The following MPO variants were observed in gnomAD, a reference collection of about 807,000 sequenced individuals.
MPO encodes the protein myeloperoxidase.
Under a neutral mutation model 69.4 loss-of-function variants are expected in MPO, and 57 were observed. That is an observed-to-expected ratio of 0.82 (90% CI 0.66 to 1.02). The LOEUF (loss-of-function observed/expected upper bound fraction) is 1.02. Ranked by LOEUF, MPO falls within the 50% of genes least tolerant of loss-of-function variation. MPO has a pLI of 0.00. For missense variants in MPO, 971 were observed against 1,014.1 expected, an observed-to-expected ratio of 0.96 and a Z score of 0.58; for synonymous variants, 426 against 417.1, an observed-to-expected ratio of 1.02 and a Z score of -0.26.
Position 58,270,981 on chromosome 17 carries a change from A to G in MPO, c.2031-118T>C. The G allele has an allele frequency of 8.8e-7, 1 of 1,136,480 alleles. No homozygotes were observed. The highest frequency in any genetic ancestry group is 1.3e-6 in the Non-Finnish European group (1 of 770,198). The allele number at this position is 1,136,480 out of a possible 1,614,324, so 70.4% of individuals were successfully genotyped here. On this transcript the variant is annotated intron_variant, in intron 11 of 11. Transcript: ENST00000225275. The surrounding 1 kb of genome is among the most constrained non-coding windows in gnomAD (Gnocchi z 4.1). The stretch of plus-strand genomic sequence containing the variant: ...GCCACAACAAATGCCACCTGGAAGC[A>G]CAGGAGGGCCCCAGGCCCTTGGGCA...
At position 58,273,414 on chromosome 17, in the gene MPO, C is replaced by T; in HGVS notation, c.1621G>A (p.Gly541Ser). Residue 541 changes from glycine (G) to serine (S), a missense_variant and splice_region_variant, in exon 9 of 12, where the codon GGT becomes AGT. Coordinates refer to ENST00000225275, the MANE Select transcript of MPO (RefSeq NM_000250.2). ...CGCTCCTGGCCTAGGTCCTGCTTAC[C>T]TTCCAGCACGACCCTCCAGGAGGCA... ...FFASWRVVLE[G>S]GIDPILRGLM... The T allele has an allele frequency of 6.2e-7, 1 of 1,614,150 alleles. No individual in the cohort carries two copies. The highest frequency in any genetic ancestry group is 1.1e-5 in the South Asian group (1 of 91,082).
chr17:58,279,376 G>A lies in MPO; in HGVS notation c.599C>T (p.Pro200Leu), dbSNP rs750417250. Residue 200 changes from proline (P) to leucine (L), a missense_variant, in exon 5 of 12, where the codon CCG becomes CTG. Transcript: ENST00000225275. ...AGAGAAGCCGTCCTCATACTCCGCC[G>A]GCAGCCAGCGCACAAAGGCACGGTT... ...ASNRAFVRWL[P>L]AEYEDGFSLP... 16 of 1,600,066 alleles carry A rather than the reference G, an allele frequency of 1.0e-5. No homozygotes were observed. Among genetic ancestry groups the A allele is most frequent in the African/African-American group, 9.4e-5 (7 of 74,750 alleles).
rs966801133 is a variant in MPO at position 58,272,675 on chromosome 17, A to AG, written c.1792+72dup. On this transcript the variant is annotated intron_variant, in intron 10 of 11. Transcript: ENST00000225275. ...AGAGGGCAGGGACCCTAGAGTGGGA[A>AG]GGGGGGTGATGGGCTACCTAGGAGG... 4.5e-6 allele frequency: 7 copies of AG among 1,541,342 alleles called. No homozygotes were observed. In the Admixed American group the frequency reaches 5.2e-5, roughly 11 times the overall value.
Position 58,278,162 on chromosome 17 carries a change from G to C in MPO, c.886-17C>G. On this transcript the variant is annotated splice_polypyrimidine_tract_variant and intron_variant, in intron 6 of 11. Transcript: ENST00000225275. Reference sequence around the variant, plus strand: ...GGGCGGGATCTGAGGCACAGAGAGAGGCTAGACTGGCTCACCGAGGGCAAG... The same window carrying C: ...GGGCGGGATCTGAGGCACAGAGAGACGCTAGACTGGCTCACCGAGGGCAAG... 6.3e-7 allele frequency: 1 copy of C among 1,599,396 alleles called. No homozygotes were observed. Among genetic ancestry groups the C allele is most frequent in the African/African-American group, 1.3e-5 (1 of 75,022 alleles).
rs764426896 is a variant in MPO at position 58,272,864 on chromosome 17, C to G, written c.1676G>C (p.Arg559Pro). 6.2e-7 allele frequency: 1 copy of G among 1,614,134 alleles called. No individual in the cohort carries two copies. Among genetic ancestry groups the G allele is most frequent in the Non-Finnish European group, 8.5e-7 (1 of 1,180,044 alleles). Residue 559 changes from arginine (R) to proline (P), a missense_variant, in exon 10 of 12, where the codon CGT becomes CCT. Arg to Pro is a moderately radical substitution (Grantham distance 103, BLOSUM62 -2). Coordinates refer to ENST00000225275, the MANE Select transcript of MPO (RefSeq NM_000250.2). The part of the protein sequence containing the change: ...GLMATPAKLN[R>P]QNQIAVDEIR... ...CTCATCCACTGCAATTTGGTTCTGACGATTCAGCTTGGCAGGGGTGGCCAT... is the reference window on the plus strand; with the variant it reads ...CTCATCCACTGCAATTTGGTTCTGAGGATTCAGCTTGGCAGGGGTGGCCAT...
chr17:58,270,197 C>T lies in MPO; in HGVS notation c.*459G>A, dbSNP rs1020860102. ...TAGTAGGTGCTCAATAAATGAAGAA[C>T]CAGAGGATACAAGTGGGCCCTCCAA... On this transcript the variant is annotated 3_prime_UTR_variant, in exon 12 of 12. Transcript: ENST00000225275. This position sits in a 1 kb window ranked among gnomAD's most constrained non-coding sequence, Gnocchi z 4.1. The T allele has an allele frequency of 6.7e-6, 2 of 298,072 alleles. No homozygotes were observed. The highest frequency in any genetic ancestry group is 4.4e-5 in the African/African-American group (2 of 45,916). The allele number at this position is 298,072 out of a possible 1,614,324, so 18.5% of individuals were successfully genotyped here. A position where few individuals can be genotyped will look rare whatever the true frequency, so the allele number is the denominator to read the frequency against.
chr17:58,273,584 T>G lies in MPO; in HGVS notation c.1451A>C (p.Asp484Ala), dbSNP rs894784709. 6.2e-7 allele frequency: 1 copy of G among 1,613,950 alleles called. No homozygotes were observed. Among genetic ancestry groups the G allele is most frequent in the African/African-American group, 1.3e-5 (1 of 74,878 alleles). Residue 484 changes from aspartate to alanine, a missense_variant, in exon 9 of 12, where the codon GAC becomes GCC. Asp to Ala is a moderately radical substitution (Grantham distance 126). Coordinates refer to ENST00000225275, the MANE Select transcript of MPO (RefSeq NM_000250.2). ...KYLPTYRSYN[D>A]SVDPRIANVF... ...GTTGGCGATGCGTGGGTCCACTGAG[T>G]CATTGTAGGAACGGTACGTGGGCAG...
chr17:58,271,005 C>G (rs1970359198), intron 11 of MPO, 142 bp from the exon 12 acceptor site: 1 of 843,074 alleles, frequency 1.2e-6, no homozygotes, highest in African/African-American at 1.7e-5. Context: ...GGCCCTTGGG[C>G]AGCCCAGGGG....
In MPO at chr17:58,273,649, G is replaced by A; in HGVS notation, c.1386C>T (p.Tyr462=). ...AMVQIITYRD[Y]LPLVLGPTAM... is the part of the protein sequence containing the mutation. ...CCGTTGGCCCCAGCACCAGGGGCAG[G>A]TAGTCCCGGTAAGTGATGATCTAAA... Residue 462 remains tyrosine (Y), a synonymous_variant, in exon 9 of 12, where the codon TAC becomes TAT. Transcript: ENST00000225275. 1 of 1,614,216 alleles carries A rather than the reference G, an allele frequency of 6.2e-7. No homozygotes were observed. Among genetic ancestry groups the A allele is most frequent in the Non-Finnish European group, 8.5e-7 (1 of 1,180,036 alleles).
rs35087219 is a variant in MPO at position 58,275,099 on chromosome 17, G to A, written c.1365+443C>T. Among the ~76,000 whole-genome samples the A allele has an allele frequency of 0.011, 1,661 of 152,130 alleles. 33 individuals are homozygous for A. The highest frequency in any genetic ancestry group is 0.037 in the African/African-American group (1,555 of 41,516). ...AGCATGGTCTTGATCTCCTGACCTC[G>A]TGATCCACCCGCCTCCGCCTCCCAA... On this transcript the variant is annotated intron_variant, in intron 8 of 11. Transcript: ENST00000225275. The surrounding 1 kb of genome is among the most constrained non-coding windows in gnomAD (Gnocchi z 4.1).
chr17:58,280,232 C>T, intron 2 of MPO, 134 bp downstream of exon 2: 2 of 1,049,484 alleles, frequency 1.9e-6, no homozygotes, highest in Non-Finnish European at 2.9e-6. Context: ...AACACAGGGA[C>T]AGACAGACAG....
intron 3 of MPO, 71 bp downstream of exon 3, chr17:58,279,768 G>C: frequency 1.2e-6 from 2 of 1,613,062 alleles, no homozygotes; most frequent in Non-Finnish European, 1.7e-6. Context: ...GGGGATCACT[G>C]AGAGACGGCT....
intron 8 of MPO, 150 bp from the exon 9 acceptor site, chr17:58,273,819 C>T: frequency 9.2e-7 from 1 of 1,088,368 alleles, no homozygotes; most frequent in Non-Finnish European, 1.4e-6. Flanking sequence ...TCCCACAATA[C>T]CGGACCTGGG....
intron 7 of MPO, 102 bp downstream of exon 7, chr17:58,277,725 T>C (rs2143977056): frequency 1.3e-6 from 2 of 1,505,248 alleles, no homozygotes; most frequent in South Asian, 1.1e-5. Context: ...GTGAGGACAG[T>C]CTCTCTAAGT....
At position 58,277,855 on chromosome 17, in the gene MPO, G is replaced by A. The variant is rs1432786606; in HGVS notation, c.1176C>T (p.Arg392=). The A allele has an allele frequency of 6.2e-7, 1 of 1,606,462 alleles. No homozygotes were observed. Among genetic ancestry groups the A allele is most frequent in the South Asian group, 1.1e-5 (1 of 91,070 alleles). The change falls in exon 7 of 12, where the codon CGC becomes CGT. Residue 392 remains arginine, a synonymous_variant. Coordinates refer to ENST00000225275, the MANE Select transcript of MPO (RefSeq NM_000250.2). The part of the protein sequence containing the change: ...LHDDPCLLTN[R]SARIPCFLAG... ...CCAGGAAGCAGGGGATGCGCGCTGA[G>A]CGGTTGGTGAGGAGACAGGGGTCAT...
Position 58,270,688 on chromosome 17 carries a change from A to G in MPO, c.2206T>C (p.Leu736=), listed in dbSNP as rs1235914369. 4 of 1,613,750 alleles carry G rather than the reference A, an allele frequency of 2.5e-6. 1 individual carries two copies. The South Asian group carries it at 3.3e-5, about 13-fold the overall frequency. Residue 736 remains leucine, a synonymous_variant, in exon 12 of 12, where the codon TTG becomes CTG. Coordinates refer to ENST00000225275, the MANE Select transcript of MPO (RefSeq NM_000250.2). The surrounding 1 kb of genome is among the most constrained non-coding windows in gnomAD (Gnocchi z 4.1). ...DFVNCSTLPA[L]NLASWREAS ...GCTTCCCTCCAGGAAGCCAGGTTCA[A>G]TGCAGGAAGTGTACTGCAGTTGACA...
At chr17:58,274,114 G>A (rs1970404083) in intron 8 of MPO, 2 of 467,632 alleles carry the variant, frequency 4.3e-6, no homozygotes, top group South Asian at 1.5e-5. Flanking sequence ...TGCCCACCAA[G>A]TGCCTGCCCA....
At chr17:58,272,078 A>G (rs1014611808) in intron 10 of MPO, among the ~76,000 whole-genome samples, 186 bp from the exon 11 acceptor site, 3 of 152,126 alleles carry the variant, frequency 2.0e-5, no homozygotes, top group African/African-American at 7.2e-5. Context: ...TTTGGCTTAG[A>G]CCAAGGGGCA....
chr17:58,279,090 T>C lies in MPO; in HGVS notation c.803A>G (p.Glu268Gly). The change falls in exon 6 of 12, where the codon GAG becomes GGG. Residue 268 changes from glutamate to glycine, a missense_variant. Transcript: ENST00000225275. ...GACGAAGGAGGCCCGGGCGGCCGGC[T>C]CAGGGGTGAAGTCGAGGTCGTGGTC... ...LLDHDLDFTP[E>G]PAARASFVTG... The C allele has an allele frequency of 1.2e-6, 2 of 1,613,054 alleles. No homozygotes were observed. Among genetic ancestry groups the C allele is most frequent in the Non-Finnish European group, 1.7e-6 (2 of 1,179,686 alleles).
Sources: gnomAD v4.1 joint callset for allele counts (sites outside exome capture counted in the v4.1 genomes callset) on GRCh38, gnomAD v4.1.1 for gene constraint, Gnocchi (gnomAD v3.1) non-coding constraint, MANE v1.5 for transcripts, NCBI Gene and HGNC (gene_info 2026-07-23, HGNC 2026-07-21) for gene names.